AGBL4: variants seen among roughly 807,000 people sequenced by gnomAD.
AGBL4 encodes AGBL carboxypeptidase 4, also known as cytosolic carboxypeptidase 6.
A neutral mutation model predicts 66.4 loss-of-function variants in AGBL4; 58 were observed. That is an observed-to-expected ratio of 0.87 (90% CI 0.71 to 1.09). The LOEUF (loss-of-function observed/expected upper bound fraction) is 1.09, where lower values mean the gene tolerates loss of function less well. Ranked by LOEUF, AGBL4 falls within the 50% of genes least tolerant of loss-of-function variation. The probability of loss-of-function intolerance (pLI) is 0.00; values close to 1 mark genes in which losing one functional copy is unlikely to be tolerated. For synonymous variants in AGBL4, 234 were observed against 222.9 expected, an observed-to-expected ratio of 1.05 and a Z score of -0.44; for missense variants, 579 against 631.0, an observed-to-expected ratio of 0.92 and a Z score of 0.88.
chr1:48,533,886 G>T lies in AGBL4; in HGVS notation c.*287C>A, dbSNP rs1643928687. Reference sequence around the variant, plus strand: ...CAAATCTCTTAAAAGGGATGTGTAGGTTTTCCTCATCTTGGAAGATCTCTA... The same window carrying T: ...CAAATCTCTTAAAAGGGATGTGTAGTTTTTCCTCATCTTGGAAGATCTCTA... On this transcript the variant is annotated 3_prime_UTR_variant, in exon 14 of 14. Transcript: ENST00000371839. 6.9e-6 allele frequency: 3 copies of T among 433,228 alleles called. No homozygotes were observed. The Admixed American group carries it at 1.1e-4, about 16-fold the overall frequency. The allele number at this position is 433,228 out of a possible 1,614,324, so 26.8% of individuals were successfully genotyped here.
At chr1:49,298,957 C>T (rs1644694134) in intron 3 of AGBL4, among the ~76,000 whole-genome samples, 1 of 152,026 alleles carries the variant, frequency 6.6e-6, no homozygotes, top group Non-Finnish European at 1.5e-5. Flanking sequence ...TTGCCCACAC[C>T]CTTCCCTCAG....
intron 1 of AGBL4, among the ~76,000 whole-genome samples, chr1:49,920,805 A>G (rs1482660032): frequency 2.6e-5 from 4 of 152,238 alleles, no homozygotes; most frequent in East Asian, 3.8e-4. Flanking sequence ...TGTTTATTGC[A>G]GCACTATTCA....
At chr1:48,890,863 GA>G (rs1466728819) in intron 5 of AGBL4, among the ~76,000 whole-genome samples, 2 of 152,286 alleles carry the variant, frequency 1.3e-5, no homozygotes, top group African/African-American at 4.8e-5. Flanking sequence ...GCAGGAACAT[GA>G]GGGTGAAGGA....
At chr1:49,990,840 G>GA (rs1171534019) in intron 1 of AGBL4, among the ~76,000 whole-genome samples, 4 of 152,226 alleles carry the variant, frequency 2.6e-5, no homozygotes, top group African/African-American at 9.6e-5. Flanking sequence ...TAGCGTGTAG[G>GA]ATATGTTTAG....
intron 3 of AGBL4, among the ~76,000 whole-genome samples, chr1:49,457,121 C>G (rs1213583389): frequency 1.3e-5 from 2 of 151,626 alleles, no homozygotes. Flanking sequence ...TATGGTAAAC[C>G]TACTTTTAGT....
chr1:49,421,975 A>C (rs1392397887), intron 3 of AGBL4, among the ~76,000 whole-genome samples: 1 of 152,146 alleles, frequency 6.6e-6, no homozygotes, highest in Non-Finnish European at 1.5e-5. Context: ...GGTCCAAGAA[A>C]TGTGTCTTTC....
At chr1:49,575,015 C>T (rs1418297265) in intron 3 of AGBL4, among the ~76,000 whole-genome samples, 1 of 152,118 alleles carries the variant, frequency 6.6e-6, no homozygotes, top group Non-Finnish European at 1.5e-5. Flanking sequence ...GTCGGGTCCC[C>T]TTGAGGAAGG....
intron 6 of AGBL4, among the ~76,000 whole-genome samples, chr1:48,819,660 CTAGTCCAGTGTTTG>C (rs1246521700): frequency 1.3e-5 from 2 of 152,170 alleles, no homozygotes; most frequent in Admixed American, 1.3e-4. Flanking sequence ...TGGAAATCTT[CTAGTCCAGTGTTTG>C]CATTTGACAT....
At chr1:50,011,016 C>G (rs1303983291) in intron 1 of AGBL4, among the ~76,000 whole-genome samples, 1 of 152,092 alleles carries the variant, frequency 6.6e-6, no homozygotes, top group Non-Finnish European at 1.5e-5. Context: ...ATACAATCAA[C>G]AAATTTAAGA....
intron 4 of AGBL4, among the ~76,000 whole-genome samples, chr1:49,131,691 A>T (rs1487056097): frequency 6.6e-6 from 1 of 152,092 alleles, no homozygotes; most frequent in Non-Finnish European, 1.5e-5. Context: ...TTTTGAAGAG[A>T]TATTTAGGAA....
chr1:48,965,418 G>T (rs1658336966), intron 5 of AGBL4, among the ~76,000 whole-genome samples: 1 of 152,154 alleles, frequency 6.6e-6, no homozygotes, highest in Non-Finnish European at 1.5e-5. Flanking sequence ...AAAGGACTCA[G>T]AGACCTGCAA....
At chr1:49,136,080 T>C (rs1646005141) in intron 4 of AGBL4, among the ~76,000 whole-genome samples, 2 of 152,044 alleles carry the variant, frequency 1.3e-5, no homozygotes, top group Admixed American at 6.6e-5. Flanking sequence ...TCCAAAACTG[T>C]AAAGAAATAT....
At chr1:49,796,308 C>A (rs1644728259) in intron 2 of AGBL4, among the ~76,000 whole-genome samples, 1 of 151,520 alleles carries the variant, frequency 6.6e-6, no homozygotes, top group Non-Finnish European at 1.5e-5. Context: ...AGATTCAGAT[C>A]CTTTGAAATC....
intron 4 of AGBL4, among the ~76,000 whole-genome samples, chr1:49,161,264 C>A (rs1646535780): frequency 6.6e-6 from 1 of 152,150 alleles, no homozygotes; most frequent in South Asian, 2.1e-4. Flanking sequence ...TACATGGTTC[C>A]TCACAGCACA....
chr1:49,480,483 TG>T (rs1646934039), intron 3 of AGBL4, among the ~76,000 whole-genome samples: 3 of 151,896 alleles, frequency 2.0e-5, no homozygotes, highest in Non-Finnish European at 2.9e-5. Flanking sequence ...TTAATGGAGT[TG>T]TTTTTTTTTT....
chr1:49,635,276 T>A (rs1645649804), intron 3 of AGBL4, among the ~76,000 whole-genome samples: 1 of 152,198 alleles, frequency 6.6e-6, no homozygotes, highest in Admixed American at 6.6e-5. Flanking sequence ...ATATGAAAGA[T>A]AAAATGAGAG....
At chr1:49,254,257 A>C (rs1010821580) in intron 3 of AGBL4, among the ~76,000 whole-genome samples, 1 of 151,836 alleles carries the variant, frequency 6.6e-6, no homozygotes, top group African/African-American at 2.4e-5. Flanking sequence ...CGATCCTCTC[A>C]TCTCAGCCCC....
intron 3 of AGBL4, among the ~76,000 whole-genome samples, chr1:49,465,210 T>TACACACACACACACACACACACACAC (rs3054630): frequency 8.6e-6 from 1 of 116,792 alleles, no homozygotes; most frequent in African/African-American, 3.3e-5. Context: ...TACCCCTACA[T>TACACACACACACACACACACACACAC]ACACACACAC....
intron 6 of AGBL4, among the ~76,000 whole-genome samples, chr1:48,706,372 T>C (rs1450689403): frequency 1.3e-5 from 2 of 152,252 alleles, no homozygotes; most frequent in East Asian, 1.9e-4. Context: ...GATAAAAAGA[T>C]ATACAATTTT....
Sources: allele counts gnomAD v4.1 joint callset (sites outside exome capture counted in the v4.1 genomes callset), GRCh38; gene constraint gnomAD v4.1.1; transcripts MANE v1.5; gene names NCBI Gene and HGNC (gene_info 2026-07-23, HGNC 2026-07-21).